SSBP2: variants seen among roughly 807,000 people sequenced by gnomAD.
SSBP2 encodes single-stranded DNA-binding protein 2.
In SSBP2, 17 loss-of-function variants were observed where a neutral mutation model predicts 61.8. That is an observed-to-expected ratio of 0.28 (90% CI 0.19 to 0.41). The LOEUF (loss-of-function observed/expected upper bound fraction) is 0.41, where lower values mean the gene tolerates loss of function less well. Ranked by LOEUF, SSBP2 falls within the 10% of genes least tolerant of loss-of-function variation. The probability of loss-of-function intolerance (pLI) is 1.00; values close to 1 mark genes in which losing one functional copy is unlikely to be tolerated. For missense variants in SSBP2, 310 were observed against 458.7 expected (o/e 0.68, Z 2.96); for synonymous variants, 139 against 141.3 (o/e 0.98, Z 0.12).
chr5:81,623,633 T>C (rs943731806), intron 3 of SSBP2, among the ~76,000 whole-genome samples: 2 of 151,952 alleles, frequency 1.3e-5, no homozygotes, highest in African/African-American at 4.8e-5. Context: ...CCGCGCCCGG[T>C]CCATTGTAGT....
intron 3 of SSBP2, among the ~76,000 whole-genome samples, chr5:81,626,535 T>C (rs936859383): frequency 6.6e-6 from 1 of 152,226 alleles, no homozygotes. Context: ...ATTCTGATTA[T>C]GGGCAGGTTT....
chr5:81,610,153 G>A (rs1745307060), intron 4 of SSBP2, among the ~76,000 whole-genome samples: 1 of 152,314 alleles, frequency 6.6e-6, no homozygotes, highest in East Asian at 1.9e-4. Context: ...TAGGTGGGCC[G>A]AGTGGGTGGA....
At chr5:81,585,526 T>A (rs1774991745) in intron 4 of SSBP2, among the ~76,000 whole-genome samples, 1 of 151,892 alleles carries the variant, frequency 6.6e-6, no homozygotes, top group South Asian at 2.1e-4. Flanking sequence ...TTAAAAAAAA[T>A]CTGCAATTGA....
At chr5:81,516,641 C>T (rs557911785) in intron 4 of SSBP2, among the ~76,000 whole-genome samples, 1 of 152,154 alleles carries the variant, frequency 6.6e-6, no homozygotes, top group South Asian at 2.1e-4. Context: ...GTACCCTATG[C>T]TGATCATTAA....
chr5:81,718,773 A>T (rs1755346911), intron 1 of SSBP2, among the ~76,000 whole-genome samples: 1 of 152,192 alleles, frequency 6.6e-6, no homozygotes, highest in African/African-American at 2.4e-5. Flanking sequence ...TTCCTGGGGA[A>T]ATCTAAGTAA....
chr5:81,516,749 T>C (rs1769051763), intron 4 of SSBP2, among the ~76,000 whole-genome samples: 1 of 152,058 alleles, frequency 6.6e-6, no homozygotes, highest in Non-Finnish European at 1.5e-5. Flanking sequence ...CTAATTTATA[T>C]ACAGTAGCAA....
intron 2 of SSBP2, among the ~76,000 whole-genome samples, chr5:81,649,011 C>T (rs943205330): frequency 6.6e-6 from 1 of 151,966 alleles, no homozygotes; most frequent in Non-Finnish European, 1.5e-5. Flanking sequence ...CATCATATTT[C>T]CAGTGCTCAA....
At chr5:81,660,704 A>G (rs1425092276) in intron 1 of SSBP2, among the ~76,000 whole-genome samples, 1 of 152,196 alleles carries the variant, frequency 6.6e-6, no homozygotes, top group Admixed American at 6.5e-5. Flanking sequence ...AGACATATGC[A>G]CATGTATGTT....
chr5:81,585,840 C>T (rs893870592), intron 4 of SSBP2, among the ~76,000 whole-genome samples: 10 of 152,146 alleles, frequency 6.6e-5, no homozygotes, highest in African/African-American at 2.4e-4. Flanking sequence ...CTGGTAACCA[C>T]CATTCTACTC....
At chr5:81,513,317 C>T (rs1406153866) in intron 5 of SSBP2, among the ~76,000 whole-genome samples, 1 of 152,058 alleles carries the variant, frequency 6.6e-6, no homozygotes, top group African/African-American at 2.4e-5. Context: ...CTTTCCAGAA[C>T]CTCATATTTA....
intron 2 of SSBP2, among the ~76,000 whole-genome samples, chr5:81,646,560 G>A (rs1276376671): frequency 6.7e-6 from 1 of 149,142 alleles, no homozygotes; most frequent in East Asian, 2.0e-4. Context: ...AACTCAGAGA[G>A]AAAGCAACCC....
At chr5:81,454,627 G>C (rs1351608735) in intron 10 of SSBP2, among the ~76,000 whole-genome samples, 2 of 151,984 alleles carry the variant, frequency 1.3e-5, no homozygotes, top group African/African-American at 4.8e-5. Flanking sequence ...GTTGCAGTGA[G>C]CCGAGATTGT....
chr5:81,635,639 A>C (rs1216325066), intron 3 of SSBP2, among the ~76,000 whole-genome samples: 2 of 143,948 alleles, frequency 1.4e-5, no homozygotes, highest in African/African-American at 5.2e-5. Context: ...GCTGGAGTGC[A>C]GTGGTGCAAT....
intron 3 of SSBP2, among the ~76,000 whole-genome samples, chr5:81,626,399 T>G (rs1747147265): frequency 6.6e-6 from 1 of 152,260 alleles, no homozygotes; most frequent in South Asian, 2.1e-4. Flanking sequence ...AAGCTTAGGT[T>G]AAATTAGATT....
intron 1 of SSBP2, among the ~76,000 whole-genome samples, chr5:81,697,485 G>A (rs971269231): frequency 3.9e-5 from 6 of 152,058 alleles, no homozygotes; most frequent in Non-Finnish European, 8.8e-5. Context: ...TATTTATATG[G>A]AATGTTTCAT....
At chr5:81,750,538 A>G (rs926159061) in intron 1 of SSBP2, among the ~76,000 whole-genome samples, 1 of 120,864 alleles carries the variant, frequency 8.3e-6, no homozygotes, top group South Asian at 3.0e-4. Context: ...CCCGGCCCCG[A>G]CCCCGGCCGG....
At chr5:81,633,131 TTTTTG>T in intron 3 of SSBP2, among the ~76,000 whole-genome samples, 1 of 145,096 alleles carries the variant, frequency 6.9e-6, no homozygotes, top group East Asian at 2.0e-4. Context: ...TTTTTTTTTT[TTTTTG>T]AGAGAGTCTC....
chr5:81,680,818 A>G (rs1752327487), intron 1 of SSBP2, among the ~76,000 whole-genome samples: 1 of 152,242 alleles, frequency 6.6e-6, no homozygotes, highest in Admixed American at 6.5e-5. Context: ...CTATTGTATT[A>G]TACTTGGAGA....
intron 8 of SSBP2, among the ~76,000 whole-genome samples, chr5:81,467,807 G>A (rs572337161): frequency 1.3e-5 from 2 of 151,960 alleles, no homozygotes; most frequent in East Asian, 3.9e-4. Context: ...CAACTCTTCT[G>A]GGTACTCTTT....
Sources: gnomAD v4.1 joint callset for allele counts (sites outside exome capture counted in the v4.1 genomes callset) on GRCh38, gnomAD v4.1.1 for gene constraint, MANE v1.5 for transcripts, NCBI Gene and HGNC (gene_info 2026-07-23, HGNC 2026-07-21) for gene names.